The following PTPRN2 variants were observed in gnomAD, a reference collection of about 807,000 sequenced individuals.
PTPRN2 encodes the protein protein tyrosine phosphatase receptor type N2.
In PTPRN2, 74 loss-of-function variants were observed where a neutral mutation model predicts 118.8. The observed-to-expected ratio is 0.62, with a 90% CI of 0.52 to 0.76. The LOEUF (loss-of-function observed/expected upper bound fraction) is 0.76, where lower values mean the gene tolerates loss of function less well. Ranked by LOEUF, PTPRN2 falls within the 30% of genes least tolerant of loss-of-function variation. The probability of loss-of-function intolerance (pLI) is 0.00; values close to 1 mark genes in which losing one functional copy is unlikely to be tolerated. For missense variants in PTPRN2, 1,481 were observed against 1,394.4 expected, an observed-to-expected ratio of 1.06 and a Z score of -0.99; for synonymous variants, 641 against 608.0, an observed-to-expected ratio of 1.05 and a Z score of -0.80.
Position 158,133,728 on chromosome 7 carries a change from T to G in PTPRN2, c.1505A>C (p.Glu502Ala), listed in dbSNP as rs758351124. ...CGCCTCTTCCTCGGAAGGCTGGACC[T>G]CCAATTGCAGGCCGTCGCTGAGGGC... ...QEALSDGLQL[E>A]VQPSEEEARG... The change falls in exon 9 of 23, where the codon GAG becomes GCG. Residue 502 changes from glutamate to alanine, a missense_variant. By Grantham distance (107) the Glu-to-Ala change is moderately radical (BLOSUM62 -1). This residue lies in a region of PTPRN2 where 1,115 missense variants were observed against 994.2 expected (regional missense o/e 1.12). Coordinates refer to ENST00000389418, the MANE Select transcript of PTPRN2 (RefSeq NM_002847.5). 3 of 1,611,818 alleles carry G rather than the reference T, an allele frequency of 1.9e-6. No homozygotes were observed. Among genetic ancestry groups the G allele is most frequent in the Non-Finnish European group, 2.5e-6 (3 of 1,178,776 alleles).
At chr7:157,916,320 G>A (rs958228374) in intron 11 of PTPRN2, among the ~76,000 whole-genome samples, 1 of 152,176 alleles carries the variant, frequency 6.6e-6, no homozygotes, top group Admixed American at 6.5e-5. Flanking sequence ...GGTGGTTATG[G>A]TCCCAGATGG....
intron 19 of PTPRN2, among the ~76,000 whole-genome samples, chr7:157,575,009 G>GT (rs1389905839): frequency 6.6e-6 from 1 of 152,182 alleles, no homozygotes; most frequent in Non-Finnish European, 1.5e-5. Context: ...TTCTTAGGCT[G>GT]TATCTCCTCA....
At chr7:158,396,469 ATG>A (rs1234956751) in intron 2 of PTPRN2, among the ~76,000 whole-genome samples, 2 of 149,012 alleles carry the variant, frequency 1.3e-5, no homozygotes, top group African/African-American at 2.5e-5. Context: ...GTGTACATGC[ATG>A]TGATTTTGTT....
In PTPRN2 at chr7:157,846,999, A is replaced by G. The variant is rs575717324; in HGVS notation, c.1788+51674T>C. On this transcript the variant is annotated intron_variant, in intron 12 of 22. Coordinates refer to ENST00000389418, the MANE Select transcript of PTPRN2 (RefSeq NM_002847.5). ...TCTCTCACTCCTTCATGTGTGGCCA[A>G]TGTTTACAGAGCCCTCCCTCACTAC... is the stretch of plus-strand genomic sequence containing the variant. 2.7e-5 allele frequency among the ~76,000 whole-genome samples: 4 copies of G among 150,390 alleles called. No individual in the cohort carries two copies. In the East Asian group the frequency reaches 6.0e-4, roughly 23 times the overall value.
rs996556731 is a variant in PTPRN2, at chr7:158,003,057, C to T, written c.1723+78241G>A. On this transcript the variant is annotated intron_variant, in intron 11 of 22. Transcript: ENST00000389418. The surrounding 1 kb of genome is among the most constrained non-coding windows in gnomAD (Gnocchi z 5.0). ...TCTGTCATGAGCTGACCTGTGTCCC[C>T]CAAAATCCACAGGGGAAGCCCTGAA... Among the ~76,000 whole-genome samples, 5 of 152,108 alleles carry T rather than the reference C, an allele frequency of 3.3e-5. No homozygotes were observed. The highest frequency in any genetic ancestry group is 7.4e-5 in the Non-Finnish European group (5 of 68,008).
At chr7:158,062,450 G>A (rs1229871442) in intron 11 of PTPRN2, among the ~76,000 whole-genome samples, 2 of 152,332 alleles carry the variant, frequency 1.3e-5, no homozygotes, top group East Asian at 3.9e-4. Context: ...CACCTCCTTG[G>A]CCTTGGCGCC....
intron 1 of PTPRN2, among the ~76,000 whole-genome samples, chr7:158,493,352 C>T (rs563621968): frequency 2.7e-4 from 41 of 150,608 alleles, no homozygotes; most frequent in African/African-American, 7.8e-4. Context: ...CATACACACA[C>T]GCACACCTGC....
rs1166942040 is a variant in PTPRN2 at position 157,583,932 on chromosome 7, A to ACT, written c.2497-5793_2497-5792insAG. Among the ~76,000 whole-genome samples the ACT allele has an allele frequency of 4.4e-5, 6 of 134,868 alleles. No individual in the cohort carries two copies. The highest frequency in any genetic ancestry group is 4.7e-4 in the South Asian group (2 of 4,264). 88.5% of individuals were successfully genotyped at this position (134,868 alleles called of 152,430 possible). A position where few individuals can be genotyped will look rare whatever the true frequency, so the allele number is the denominator to read the frequency against. ...CACACACACACACACACACACACAC[A>ACT]CACTCTTAAAATAAGCTCTCCTGAA... is the stretch of plus-strand genomic sequence containing the variant. On this transcript the variant is annotated intron_variant, in intron 17 of 22. Coordinates refer to ENST00000389418, the MANE Select transcript of PTPRN2 (RefSeq NM_002847.5). This position sits in a 1 kb window ranked among gnomAD's most constrained non-coding sequence, Gnocchi z 5.5.
intron 10 of PTPRN2, among the ~76,000 whole-genome samples, chr7:158,101,992 C>A (rs1563436418): frequency 6.6e-6 from 1 of 152,178 alleles, no homozygotes; most frequent in African/African-American, 2.4e-5. Flanking sequence ...CAGTGAGCAG[C>A]CATGGAGCTT....
intron 12 of PTPRN2, among the ~76,000 whole-genome samples, chr7:157,713,276 T>G (rs537437428): frequency 7.0e-4 from 107 of 152,344 alleles, no homozygotes; most frequent in African/African-American, 2.5e-3. Context: ...GACGCATCTT[T>G]AATTCTATTA....
intron 1 of PTPRN2, among the ~76,000 whole-genome samples, chr7:158,503,164 C>T (rs1275729528): frequency 2.2e-5 from 2 of 92,022 alleles, no homozygotes. Context: ...TGTCCATCAG[C>T]CACTGTGTCC....
intron 2 of PTPRN2, among the ~76,000 whole-genome samples, chr7:158,349,814 G>A (rs1807787153): frequency 7.0e-6 from 1 of 142,318 alleles, no homozygotes; most frequent in Non-Finnish European, 1.5e-5. Context: ...TGCTGAGGGT[G>A]GCCCACATCA....
intron 3 of PTPRN2, among the ~76,000 whole-genome samples, chr7:158,250,522 C>T (rs1202172727): frequency 6.6e-6 from 1 of 152,086 alleles, no homozygotes; most frequent in Non-Finnish European, 1.5e-5. Context: ...TACATGTACA[C>T]ACCCATGTAC....
chr7:158,127,461 C>T (rs1274094727), intron 9 of PTPRN2, among the ~76,000 whole-genome samples: 2 of 152,160 alleles, frequency 1.3e-5, no homozygotes, highest in African/African-American at 2.4e-5. Context: ...GCGTTTGCCA[C>T]ATTCTAGGTC....
At chr7:157,704,260 CG>C (rs1798217665) in intron 12 of PTPRN2, among the ~76,000 whole-genome samples, 1 of 151,996 alleles carries the variant, frequency 6.6e-6, no homozygotes, top group Admixed American at 6.5e-5. Flanking sequence ...GAACTGATCC[CG>C]GGAGCTCTTG....
At chr7:158,083,677 C>T (rs1424396225) in intron 10 of PTPRN2, among the ~76,000 whole-genome samples, 2 of 152,220 alleles carry the variant, frequency 1.3e-5, no homozygotes, top group African/African-American at 2.4e-5. Flanking sequence ...GTCACCATTG[C>T]GTGGGGCTGT....
chr7:157,651,999 G>C (rs1183216113), intron 14 of PTPRN2, among the ~76,000 whole-genome samples: 1 of 152,234 alleles, frequency 6.6e-6, no homozygotes, highest in African/African-American at 2.4e-5. Flanking sequence ...CCTTCCCTGC[G>C]CCTGGGAGGC....
chr7:157,916,412 G>A (rs890877705), intron 11 of PTPRN2, among the ~76,000 whole-genome samples: 3 of 152,232 alleles, frequency 2.0e-5, no homozygotes, highest in South Asian at 2.1e-4. Flanking sequence ...CAGGTCTCTC[G>A]AGCTTGAGGT....
intron 1 of PTPRN2, among the ~76,000 whole-genome samples, chr7:158,584,827 A>G (rs1348627536): frequency 6.6e-6 from 1 of 152,204 alleles, no homozygotes; most frequent in Non-Finnish European, 1.5e-5. Context: ...CACTGTCAAC[A>G]TGAGAAAGGC....
Sources: allele counts gnomAD v4.1 joint callset (sites outside exome capture counted in the v4.1 genomes callset), GRCh38; gene constraint gnomAD v4.1.1; regional missense constraint gnomAD v4.1.1; non-coding constraint Gnocchi (gnomAD v3.1); transcripts MANE v1.5; gene names NCBI Gene and HGNC (gene_info 2026-07-23, HGNC 2026-07-21).